Variants in ABI2 observed in about 807,000 individuals in gnomAD.
ABI2 encodes the protein abl interactor 2, also known as abelson interactor 2.
Under a neutral mutation model 59.2 loss-of-function variants are expected in ABI2, and 25 were observed. The ratio of observed to expected loss-of-function variants is 0.42; its 90% CI spans 0.31 to 0.59. ABI2 has a LOEUF of 0.59. Among genes scored for constraint, ABI2 ranks in the 20% least tolerant of loss-of-function variants. The pLI, the probability that ABI2 is intolerant of heterozygous loss-of-function variation, is 0.14. For synonymous variants in ABI2, 213 were observed against 235.5 expected (o/e 0.90, Z 0.87); for missense variants, 545 against 681.8 (o/e 0.80, Z 2.23).
intron 1 of ABI2, chr2:203,342,174 C>A (rs994600905): frequency 2.2e-6 from 1 of 449,642 alleles, no homozygotes; most frequent in African/African-American, 2.0e-5. Context: ...ATGTTTTTTT[C>A]CTTCCTGGTC....
chr2:203,402,722 A>G lies in ABI2; in HGVS notation c.1180A>G (p.Ser394Gly), dbSNP rs751229231. 1.9e-6 allele frequency: 3 copies of G among 1,587,718 alleles called. No homozygotes were observed. The stretch of plus-strand genomic sequence containing the variant: ...TCAGATGAATGGAGGACCTTTTTAT[A>G]GCCAGAATCCAGGTTAGTTTTTTTG... ...QNQMNGGPFY[S>G]QNPVSLAPPP... Residue 394 changes from serine (S) to glycine (G), a missense_variant, in exon 9 of 12, where the codon AGC (serine) becomes GGC (glycine). This residue lies in a region of ABI2 where 410 missense variants were observed against 435.6 expected (regional missense o/e 0.94). Transcript: ENST00000261018.
At chr2:203,405,833 A>T (rs2097402629) in intron 9 of ABI2, among the ~76,000 whole-genome samples, 1 of 152,150 alleles carries the variant, frequency 6.6e-6, no homozygotes, top group Non-Finnish European at 1.5e-5. Context: ...TAAATCTAGC[A>T]GTGCTGTTAC....
At chr2:203,338,104 C>T (rs190121700) in intron 1 of ABI2, among the ~76,000 whole-genome samples, 1 of 152,202 alleles carries the variant, frequency 6.6e-6, no homozygotes, top group Admixed American at 6.5e-5. Flanking sequence ...AGAATGGAGC[C>T]CGGAAATGTA....
Position 203,411,382 on chromosome 2 carries a change from GTCT to G in ABI2, c.1279+16_1279+18del. 6.2e-7 allele frequency: 1 copy of G among 1,600,284 alleles called. No homozygotes were observed. The highest frequency in any genetic ancestry group is 1.1e-5 in the South Asian group (1 of 90,734). On this transcript the variant is annotated intron_variant, in intron 10 of 11. Coordinates refer to ENST00000261018, the MANE Select transcript of ABI2 (RefSeq NM_001375670.1). ...GAGTCCAAGAAAATAGTAAGTTTATGTCTTCTTTATGCTGTAGATCAGATTGTA... is the reference window on the plus strand; with the variant it reads ...GAGTCCAAGAAAATAGTAAGTTTATGTCTTTATGCTGTAGATCAGATTGTA...
intron 1 of ABI2, among the ~76,000 whole-genome samples, chr2:203,361,910 G>A (rs1305136717): frequency 6.6e-6 from 1 of 152,170 alleles, no homozygotes; most frequent in Non-Finnish European, 1.5e-5. Flanking sequence ...TAGTGAGGAA[G>A]GCTAGTGAAA....
intron 1 of ABI2, among the ~76,000 whole-genome samples, chr2:203,363,083 G>A (rs2093759485): frequency 6.6e-6 from 1 of 152,008 alleles, no homozygotes; most frequent in Non-Finnish European, 1.5e-5. Flanking sequence ...CGCCTGCCTC[G>A]GCCTTGCAAA....
chr2:203,407,136 G>A (rs2097459590), intron 9 of ABI2, among the ~76,000 whole-genome samples: 1 of 152,132 alleles, frequency 6.6e-6, no homozygotes, highest in Admixed American at 6.5e-5. Flanking sequence ...AAGAATTGTT[G>A]CAATATTCAG....
chr2:203,345,966 G>T (rs559760097), intron 1 of ABI2, among the ~76,000 whole-genome samples: 3 of 151,972 alleles, frequency 2.0e-5, no homozygotes, highest in East Asian at 2.0e-4. Flanking sequence ...AATCACCTGA[G>T]ATCAGGAGTT....
chr2:203,372,998 G>A (rs1029944563), intron 2 of ABI2, among the ~76,000 whole-genome samples: 1 of 151,980 alleles, frequency 6.6e-6, no homozygotes, highest in Non-Finnish European at 1.5e-5. Flanking sequence ...CAGGCAGAGG[G>A]GCTCCTCACG....
At chr2:203,393,004 C>T (rs760277937) in intron 5 of ABI2, among the ~76,000 whole-genome samples, 82 of 151,854 alleles carry the variant, frequency 5.4e-4, no homozygotes, top group Non-Finnish European at 9.4e-4. Context: ...GTGTCATTGC[C>T]TTCACTCTGT....
chr2:203,346,401 T>C (rs2083576171), intron 1 of ABI2, among the ~76,000 whole-genome samples: 1 of 152,216 alleles, frequency 6.6e-6, no homozygotes, highest in Non-Finnish European at 1.5e-5. Context: ...TATATGGGAC[T>C]AATAGGCATG....
intron 9 of ABI2, among the ~76,000 whole-genome samples, chr2:203,403,742 G>GTTTTTTTTT (rs56123341): frequency 3.1e-5 from 3 of 95,298 alleles, no homozygotes; most frequent in Non-Finnish European, 3.9e-5. Flanking sequence ...CTTTCTTTCT[G>GTTTTTTTTT]TTTTTTTTTT....
rs1241181978 is a variant in ABI2, at chr2:203,402,645, C to T, written c.1103C>T (p.Ser368Leu). The T allele has an allele frequency of 7.5e-6, 12 of 1,607,654 alleles. No individual in the cohort carries two copies. Among genetic ancestry groups the T allele is most frequent in the South Asian group, 1.1e-5 (1 of 89,390 alleles). The change falls in exon 9 of 12, where the codon TCG becomes TTG. Residue 368 changes from serine to leucine, a missense_variant. Physicochemically the swap from Ser to Leu is moderately radical, Grantham distance 145. Around this residue, in one of 4 missense-constraint regions of ABI2, gnomAD observed 410 missense variants for 435.6 expected, o/e 0.94. Transcript: ENST00000261018. Reference protein sequence around the residue: ...SRHTPPTIGGSLPYRRPPSIT... With the variant: ...SRHTPPTIGGLLPYRRPPSIT... ...CATACTCCCCCAACAATAGGGGGCT[C>T]GTTGCCCTATAGACGCCCTCCTTCC...
chr2:203,376,151 A>C (rs1361049902), intron 2 of ABI2: 1 of 1,515,546 alleles, frequency 6.6e-7, no homozygotes, highest in Non-Finnish European at 8.8e-7. Context: ...CCAGCTAATT[A>C]GTCCTTCCTC....
intron 1 of ABI2, among the ~76,000 whole-genome samples, chr2:203,364,800 T>A (rs2094160528): frequency 6.6e-6 from 1 of 151,632 alleles, no homozygotes; most frequent in Non-Finnish European, 1.5e-5. Flanking sequence ...AGTGATATGA[T>A]CATGGCTCAC....
intron 6 of ABI2, among the ~76,000 whole-genome samples, chr2:203,395,448 T>TATATACACAC (rs750379504): frequency 0.013 from 1,481 of 115,294 alleles, 21 homozygotes; most frequent in Non-Finnish European, 0.018. Context: ...TATATATATA[T>TATATACACAC]ACACACACAC....
chr2:203,398,063 C>A (rs1375479025), intron 8 of ABI2, among the ~76,000 whole-genome samples: 1 of 152,176 alleles, frequency 6.6e-6, no homozygotes, highest in Non-Finnish European at 1.5e-5. Flanking sequence ...TGAAGAACTT[C>A]ATGGCATTTA....
At chr2:203,425,481 C>T (rs943998111) in intron 11 of ABI2, among the ~76,000 whole-genome samples, 14 of 152,072 alleles carry the variant, frequency 9.2e-5, no homozygotes, top group African/African-American at 3.1e-4. Context: ...GGATTACAGG[C>T]GTAAGCTACC....
intron 1 of ABI2, among the ~76,000 whole-genome samples, chr2:203,363,772 C>CT (rs890745034): frequency 2.8e-4 from 42 of 150,914 alleles, no homozygotes; most frequent in African/African-American, 4.6e-4. Flanking sequence ...CTTTTCTTTT[C>CT]TTTTTTTTTG....
Sources: allele counts gnomAD v4.1 joint callset (sites outside exome capture counted in the v4.1 genomes callset), GRCh38; gene constraint gnomAD v4.1.1; regional missense constraint gnomAD v4.1.1; transcripts MANE v1.5; gene names NCBI Gene and HGNC (gene_info 2026-07-23, HGNC 2026-07-21).